Variants in MCUB observed in about 807,000 individuals in gnomAD.
MCUB encodes the protein calcium uniporter regulatory subunit MCUb, mitochondrial.
In MCUB, 46 loss-of-function variants were observed where a neutral mutation model predicts 41.4. The ratio of observed to expected loss-of-function variants is 1.11; its 90% CI spans 0.88 to 1.42. The LOEUF (loss-of-function observed/expected upper bound fraction) is 1.42, where lower values mean the gene tolerates loss of function less well. Ranked by LOEUF, MCUB falls within the 40% of genes most tolerant of loss-of-function variation. The pLI is 0.00. For synonymous variants in MCUB, 148 were observed against 148.2 expected, an observed-to-expected ratio of 1.00 and a Z score of 0.01; for missense variants, 403 against 404.9, an observed-to-expected ratio of 1.00 and a Z score of 0.04.
chr4:109,641,607 T>C (rs1314900453), intron 1 of MCUB, among the ~76,000 whole-genome samples: 2 of 152,214 alleles, frequency 1.3e-5, no homozygotes, highest in African/African-American at 2.4e-5. Flanking sequence ...ATGGTGCTTA[T>C]AGACTGGCTT....
chr4:109,620,072 C>T (rs965145199), intron 1 of MCUB, among the ~76,000 whole-genome samples: 3 of 152,152 alleles, frequency 2.0e-5, no homozygotes, highest in African/African-American at 7.2e-5. Context: ...CTCTAGGCAT[C>T]AGCCGGATAT....
intron 1 of MCUB, among the ~76,000 whole-genome samples, chr4:109,613,917 A>G (rs1728072148): frequency 6.6e-6 from 1 of 152,154 alleles, no homozygotes; most frequent in Non-Finnish European, 1.5e-5. Flanking sequence ...CCAGATATTG[A>G]CTGATATTGA....
At chr4:109,603,463 T>C (rs531381324) in intron 1 of MCUB, among the ~76,000 whole-genome samples, 55 of 152,316 alleles carry the variant, frequency 3.6e-4, no homozygotes, top group African/African-American at 1.2e-3. Flanking sequence ...ACCTCCCAGC[T>C]GCCTGCCTTG....
intron 1 of MCUB, among the ~76,000 whole-genome samples, chr4:109,616,649 A>G (rs1228637699): frequency 6.6e-6 from 1 of 152,204 alleles, no homozygotes; most frequent in African/African-American, 2.4e-5. Context: ...AAGAAATTTC[A>G]GCAAAGAAGA....
chr4:109,596,961 C>T (rs920223035), intron 1 of MCUB, among the ~76,000 whole-genome samples: 4 of 151,986 alleles, frequency 2.6e-5, no homozygotes, highest in African/African-American at 9.7e-5. Flanking sequence ...CTTCAAGCGT[C>T]TGTTTAACAA....
At chr4:109,642,506 C>T (rs1728742215) in intron 1 of MCUB, among the ~76,000 whole-genome samples, 1 of 152,136 alleles carries the variant, frequency 6.6e-6, no homozygotes, top group Admixed American at 6.5e-5. Flanking sequence ...TTAGCTGTCG[C>T]TTTTATACTA....
intron 1 of MCUB, among the ~76,000 whole-genome samples, chr4:109,646,945 T>C (rs763309190): frequency 6.6e-6 from 1 of 152,228 alleles, no homozygotes; most frequent in Non-Finnish European, 1.5e-5. Context: ...TCAGCATTGA[T>C]AGAAGTAACT....
At chr4:109,682,476 G>A in intron 4 of MCUB, 106 bp from the exon 5 acceptor site, 1 of 893,526 alleles carries the variant, frequency 1.1e-6, no homozygotes, top group Non-Finnish European at 1.8e-6. Flanking sequence ...TCCTTACCCT[G>A]TGGATCCTAA....
At chr4:109,565,962 G>C (rs185349313) in intron 1 of MCUB, among the ~76,000 whole-genome samples, 3 of 150,456 alleles carry the variant, frequency 2.0e-5, no homozygotes, top group Non-Finnish European at 4.4e-5. Flanking sequence ...CTCACCCTCC[G>C]AAAGTAGCTG....
intron 1 of MCUB, among the ~76,000 whole-genome samples, chr4:109,567,530 C>T (rs1299216128): frequency 7.4e-6 from 1 of 134,626 alleles, no homozygotes; most frequent in Non-Finnish European, 1.6e-5. Flanking sequence ...AAAAATTAGC[C>T]AGACATGGTG....
chr4:109,644,671 T>A (rs2126141163), intron 1 of MCUB, among the ~76,000 whole-genome samples: 1 of 152,362 alleles, frequency 6.6e-6, no homozygotes, highest in Non-Finnish European at 1.5e-5. Flanking sequence ...AACGCTATCA[T>A]CTAAATTATT....
intron 3 of MCUB, 133 bp downstream of exon 3, chr4:109,660,498 A>G: frequency 4.0e-6 from 2 of 504,974 alleles, no homozygotes; most frequent in East Asian, 3.3e-5. Context: ...TTATTCTTTC[A>G]TTTTTATGCA....
At chr4:109,679,556 AG>A (rs1280637220) in intron 4 of MCUB, among the ~76,000 whole-genome samples, 2 of 152,108 alleles carry the variant, frequency 1.3e-5, no homozygotes, top group African/African-American at 2.4e-5. Context: ...CGAGGCAGGG[AG>A]GTTGCAGCGA....
At chr4:109,682,195 G>A (rs952329745) in intron 4 of MCUB, among the ~76,000 whole-genome samples, 3 of 152,208 alleles carry the variant, frequency 2.0e-5, no homozygotes, top group African/African-American at 7.2e-5. Context: ...TCTCTCACGA[G>A]GTCTTTGTAA....
intron 4 of MCUB, chr4:109,681,343 T>C: frequency 2.9e-6 from 1 of 340,798 alleles, no homozygotes. Flanking sequence ...CAAAAGCTAC[T>C]AAAGTTTGTC....
rs535236706 is a variant in MCUB at position 109,631,199 on chromosome 4, C to T, written c.100-27812C>T. Among the ~76,000 whole-genome samples the T allele has an allele frequency of 1.6e-4, 25 of 152,300 alleles. No individual in the cohort carries two copies. The East Asian group carries it at 4.8e-3, about 29-fold the overall frequency. ...CGCTCAATTAGAAACTGAGTATGCA[C>T]ACAATCTGTACAGTTCTGTTTGTTG... On this transcript the variant is annotated intron_variant, in intron 1 of 7. Coordinates refer to ENST00000394650, the MANE Select transcript of MCUB (RefSeq NM_017918.5).
At chr4:109,598,553 C>G (rs144793644) in intron 1 of MCUB, among the ~76,000 whole-genome samples, 1 of 152,156 alleles carries the variant, frequency 6.6e-6, no homozygotes, top group East Asian at 1.9e-4. Flanking sequence ...GCAGTACAGT[C>G]CAGCTTCGGC....
chr4:109,587,905 C>G lies in MCUB; in HGVS notation c.99+27469C>G, dbSNP rs758237031. 2.6e-5 allele frequency among the ~76,000 whole-genome samples: 4 copies of G among 152,084 alleles called. No individual in the cohort carries two copies. The East Asian group carries it at 7.7e-4, about 29-fold the overall frequency. On this transcript the variant is annotated intron_variant, in intron 1 of 7. Coordinates refer to ENST00000394650, the MANE Select transcript of MCUB (RefSeq NM_017918.5). ...CTTAATGCACTGAAAAAATAACAGT[C>G]GAAATGAAAACTTGATAGCTATTTC...
chr4:109,575,610 C>T (rs77529263), intron 1 of MCUB, among the ~76,000 whole-genome samples: 3,443 of 152,234 alleles, frequency 0.023, 90 homozygotes, highest in African/African-American at 0.066. Context: ...GACTAAGCAT[C>T]GTAATCAACA....
Sources: gnomAD v4.1 joint callset for allele counts (sites outside exome capture counted in the v4.1 genomes callset) on GRCh38, gnomAD v4.1.1 for gene constraint, MANE v1.5 for transcripts, NCBI Gene and HGNC (gene_info 2026-07-23, HGNC 2026-07-21) for gene names.